ANKRD28: variants seen among roughly 807,000 people sequenced by gnomAD.
The protein encoded by ANKRD28 is serine/threonine-protein phosphatase 6 regulatory ankyrin repeat subunit A.
Under a neutral mutation model 126.5 loss-of-function variants are expected in ANKRD28, and 44 were observed. That is an observed-to-expected ratio of 0.35 (90% confidence interval 0.27 to 0.45). The LOEUF is 0.45. Ranked by LOEUF, ANKRD28 falls within the 20% of genes least tolerant of loss-of-function variation. ANKRD28 has a pLI of 1.00. For missense variants in ANKRD28, 1,110 were observed against 1,316.6 expected, an observed-to-expected ratio of 0.84 and a Z score of 2.43; for synonymous variants, 442 against 468.5, an observed-to-expected ratio of 0.94 and a Z score of 0.73.
chr3:15,839,392 G>A lies in ANKRD28; in HGVS notation c.27+19985C>T, dbSNP rs537720012. On this transcript the variant is annotated intron_variant, in intron 1 of 27. Coordinates refer to the ANKRD28 transcript ENST00000399451. The surrounding 1 kb of genome is among the most constrained non-coding windows in gnomAD (Gnocchi z 4.3). ...CATAACAAAAAACAACTGAATTACA[G>A]CTGGAGAGAACCAAAGTGGGTAAAA... is the stretch of plus-strand genomic sequence containing the variant. Among the ~76,000 whole-genome samples the A allele has an allele frequency of 2.8e-4, 43 of 152,196 alleles. No homozygotes were observed. Among genetic ancestry groups the A allele is most frequent in the African/African-American group, 1.0e-3 (42 of 41,516 alleles).
rs145579799 is a variant in ANKRD28 at position 15,708,071 on chromosome 3, G to C, written c.1407-7C>G. Reference sequence around the variant, plus strand: ...AGCGTAGTGCAGTGGAGATCTTTTGGGTCCAAGTTAATACAAGAAAGATAA... The same window carrying C: ...AGCGTAGTGCAGTGGAGATCTTTTGCGTCCAAGTTAATACAAGAAAGATAA... On this transcript the variant is annotated splice_region_variant and splice_polypyrimidine_tract_variant and intron_variant, in intron 13 of 27. Coordinates refer to ENST00000683139, the MANE Select transcript of ANKRD28 (RefSeq NM_001349278.2). The C allele has an allele frequency of 3.8e-6, 6 of 1,595,926 alleles. No individual in the cohort carries two copies. The East Asian group carries it at 1.4e-4, about 36-fold the overall frequency.
At chr3:15,713,125 A>G (rs372127957) in intron 10 of ANKRD28, among the ~76,000 whole-genome samples, 1 of 152,310 alleles carries the variant, frequency 6.6e-6, no homozygotes, top group East Asian at 1.9e-4. Context: ...GTAGGATTCC[A>G]AGGAATCCCT....
At chr3:15,826,533 T>C (rs2061070518) in intron 1 of ANKRD28, among the ~76,000 whole-genome samples, 1 of 152,174 alleles carries the variant, frequency 6.6e-6, no homozygotes, top group Non-Finnish European at 1.5e-5. Context: ...CCAAGGTGGT[T>C]ACCTAGGAAA....
At chr3:15,712,000 C>T (rs2072355469) in intron 11 of ANKRD28, 140 bp downstream of exon 11, 4 of 683,442 alleles carry the variant, frequency 5.9e-6, no homozygotes, top group Non-Finnish European at 1.0e-5. Flanking sequence ...CAGACCTGAA[C>T]CCAACACGTT....
chr3:15,676,077 CA>C, intron 26 of ANKRD28, 88 bp from the exon 27 acceptor site: 1 of 1,133,912 alleles, frequency 8.8e-7, no homozygotes, highest in Non-Finnish European at 1.2e-6. Flanking sequence ...GCATTTTTGT[CA>C]ACTTGTGAAG....
intron 3 of ANKRD28, among the ~76,000 whole-genome samples, chr3:15,753,063 C>T (rs139763497): frequency 1.3e-5 from 2 of 152,178 alleles, no homozygotes; most frequent in African/African-American, 4.8e-5. Context: ...CTGAGAGTAG[C>T]TGAGTTCTCT....
chr3:15,718,365 C>G (rs2073317258), intron 8 of ANKRD28, among the ~76,000 whole-genome samples: 1 of 152,092 alleles, frequency 6.6e-6, no homozygotes, highest in Admixed American at 6.5e-5. Flanking sequence ...TATCTTAATG[C>G]CTTTGCTAAA....
intron 1 of ANKRD28, among the ~76,000 whole-genome samples, chr3:15,807,116 C>T (rs1283401073): frequency 2.0e-5 from 3 of 152,148 alleles, no homozygotes; most frequent in African/African-American, 7.2e-5. Context: ...TTCATAGCCA[C>T]ATGTTAATTG....
At chr3:15,671,666 C>T (rs1171823615) in intron 27 of ANKRD28, among the ~76,000 whole-genome samples, 8 of 151,346 alleles carry the variant, frequency 5.3e-5, no homozygotes, top group Non-Finnish European at 1.2e-4. Flanking sequence ...TCACTGCAAC[C>T]TTTGCCTCCT....
intron 4 of ANKRD28, among the ~76,000 whole-genome samples, chr3:15,742,368 G>C (rs1165796164): frequency 6.7e-6 from 1 of 149,838 alleles, no homozygotes; most frequent in African/African-American, 2.5e-5. Context: ...TCTGAGATGT[G>C]GGGAGCGCCT....
rs1207377762 is a variant in ANKRD28 at position 15,668,802 on chromosome 3, C to T, written c.*1468G>A. On this transcript the variant is annotated 3_prime_UTR_variant, in exon 28 of 28. Coordinates refer to ENST00000683139, the MANE Select transcript of ANKRD28 (RefSeq NM_001349278.2). ...TTTTCACACTTTATATTCAGAAAAA[C>T]CAGCTGATAATTTACAATGTCATAA... 1 of 152,566 alleles carries T rather than the reference C, an allele frequency of 6.6e-6. No individual in the cohort carries two copies. The highest frequency in any genetic ancestry group is 2.1e-4 in the South Asian group (1 of 4,830). 9.5% of individuals were successfully genotyped at this position (152,566 alleles called of 1,614,324 possible).
At chr3:15,672,317 T>A (rs2066456563) in intron 27 of ANKRD28, among the ~76,000 whole-genome samples, 1 of 152,064 alleles carries the variant, frequency 6.6e-6, no homozygotes, top group Non-Finnish European at 1.5e-5. Context: ...ATTTTTAAAC[T>A]TTTTTGTAGA....
intron 14 of ANKRD28, among the ~76,000 whole-genome samples, chr3:15,699,807 C>T (rs565284089): frequency 5.3e-5 from 8 of 152,174 alleles, no homozygotes; most frequent in Non-Finnish European, 1.2e-4. Flanking sequence ...TTAGTTCAAC[C>T]ATTGTGGAAG....
chr3:15,714,551 C>CCA, intron 9 of ANKRD28, 27 bp downstream of exon 9: 6 of 1,119,898 alleles, frequency 5.4e-6, no homozygotes, highest in Middle Eastern at 2.2e-4. Context: ...AAAAAAACCC[C>CCA]AAAAAAAAAA....
chr3:15,858,547 A>G (rs1052971828), intron 1 of ANKRD28, among the ~76,000 whole-genome samples: 1 of 152,230 alleles, frequency 6.6e-6, no homozygotes, highest in Non-Finnish European at 1.5e-5. Context: ...AATCTGTTCA[A>G]CATCTTCTGT....
chr3:15,676,519 G>C (rs1388372584), intron 26 of ANKRD28: 2 of 158,436 alleles, frequency 1.3e-5, no homozygotes, highest in African/African-American at 4.8e-5. Flanking sequence ...AAGGGACAAT[G>C]AGAGACACTG....
rs112442632 is a variant in ANKRD28 at position 15,685,732 on chromosome 3, A to G, written c.2169+270T>C. Among the ~76,000 whole-genome samples the G allele has an allele frequency of 8.5e-5, 13 of 152,344 alleles. 2 individuals carry two copies. Among genetic ancestry groups the G allele is most frequent in the African/African-American group, 2.9e-4 (12 of 41,578 alleles). ...GTGAAAAAAGATTAAAGTGTATAAG[A>G]AAATAAGTGAGATAATGGAAAAAGT... On this transcript the variant is annotated intron_variant, in intron 20 of 27. Coordinates refer to ENST00000683139, the MANE Select transcript of ANKRD28 (RefSeq NM_001349278.2).
Position 15,842,111 on chromosome 3 carries a change from A to G in ANKRD28, c.27+17266T>C, listed in dbSNP as rs1242281935. Among the ~76,000 whole-genome samples, 5 of 150,014 alleles carry G rather than the reference A, an allele frequency of 3.3e-5. No homozygotes were observed. In the East Asian group the frequency reaches 7.8e-4, roughly 23 times the overall value. ...TATTTTATAATAATTGATATATAAT[A>G]TGCACATTATATATAAAAACCTTGG... On this transcript the variant is annotated intron_variant, in intron 1 of 27. Transcript: ENST00000399451.
intron 6 of ANKRD28, among the ~76,000 whole-genome samples, chr3:15,727,449 C>T (rs913757410): frequency 6.6e-6 from 1 of 151,400 alleles, no homozygotes; most frequent in African/African-American, 2.4e-5. Flanking sequence ...TGCCTGTAAT[C>T]CCAGCTACTT....
Sources: allele counts gnomAD v4.1 joint callset (sites outside exome capture counted in the v4.1 genomes callset), GRCh38; gene constraint gnomAD v4.1.1; non-coding constraint Gnocchi (gnomAD v3.1); transcripts MANE v1.5; gene names NCBI Gene and HGNC (gene_info 2026-07-23, HGNC 2026-07-21).